The following LRP1B variants were observed in gnomAD, a reference collection of about 807,000 sequenced individuals.
The protein encoded by LRP1B is low-density lipoprotein receptor-related protein 1B.
Under a neutral mutation model 556.6 loss-of-function variants are expected in LRP1B, and 217 were observed. The ratio of observed to expected loss-of-function variants is 0.39; its 90% CI spans 0.35 to 0.44. LRP1B has a LOEUF of 0.44. LRP1B is among the 20% of genes least tolerant of loss of function. The probability of loss-of-function intolerance (pLI) is 1.00; values close to 1 mark genes in which losing one functional copy is unlikely to be tolerated. For missense variants in LRP1B, 5,053 were observed against 5,620.8 expected (o/e 0.90, Z 3.23); for synonymous variants, 2,047 against 1,865.8 (o/e 1.10, Z -2.50).
intron 84 of LRP1B, among the ~76,000 whole-genome samples, chr2:140,293,074 T>G (rs1349966007): frequency 6.6e-6 from 1 of 152,164 alleles, no homozygotes; most frequent in Non-Finnish European, 1.5e-5. Context: ...TAAGTCTAGT[T>G]CTAATTGAAA....
At chr2:140,912,250 A>G (rs560588255) in intron 21 of LRP1B, among the ~76,000 whole-genome samples, 1 of 151,818 alleles carries the variant, frequency 6.6e-6, no homozygotes, top group African/African-American at 2.4e-5. Context: ...CTCAGTAAAA[A>G]TACTTTAAAC....
intron 77 of LRP1B, 25 bp from the exon 78 acceptor site, chr2:140,335,863 C>A (rs756297687): frequency 2.0e-5 from 28 of 1,424,686 alleles, no homozygotes; most frequent in Non-Finnish European, 2.8e-5. Flanking sequence ...AACAACACAC[C>A]ACGGTATTTT....
intron 81 of LRP1B, 67 bp from the exon 82 acceptor site, chr2:140,322,155 T>C: frequency 1.4e-6 from 2 of 1,442,010 alleles, no homozygotes; most frequent in Non-Finnish European, 1.9e-6. Flanking sequence ...AAGCATAAAA[T>C]TAAATAAGGC....
At chr2:141,715,938 T>A (rs972248280) in intron 2 of LRP1B, among the ~76,000 whole-genome samples, 2 of 152,230 alleles carry the variant, frequency 1.3e-5, no homozygotes, top group African/African-American at 4.8e-5. Flanking sequence ...CAAGTTTACC[T>A]TTTTGTATGG....
At chr2:140,372,737 C>T (rs1023851726) in intron 69 of LRP1B, among the ~76,000 whole-genome samples, 3 of 152,026 alleles carry the variant, frequency 2.0e-5, no homozygotes, top group African/African-American at 7.2e-5. Context: ...GGAAACAGTT[C>T]CAAATGGTAT....
intron 20 of LRP1B, among the ~76,000 whole-genome samples, chr2:140,931,043 G>T (rs1695033422): frequency 6.6e-6 from 1 of 152,072 alleles, no homozygotes; most frequent in Non-Finnish European, 1.5e-5. Flanking sequence ...CTTATTAAAA[G>T]CCACCTCCCA....
At chr2:140,529,440 G>GA (rs1186750732) in intron 47 of LRP1B, among the ~76,000 whole-genome samples, 7 of 116,146 alleles carry the variant, frequency 6.0e-5, no homozygotes, top group African/African-American at 2.4e-4. Context: ...AAAGGGGGGG[G>GA]GGAAGCATTA....
At chr2:140,714,980 G>A (rs1687158905) in intron 37 of LRP1B, among the ~76,000 whole-genome samples, 1 of 152,084 alleles carries the variant, frequency 6.6e-6, no homozygotes, top group Non-Finnish European at 1.5e-5. Flanking sequence ...GCCAAATAAG[G>A]TCAAATAAAA....
Position 141,265,191 on chromosome 2 carries a change from C to G in LRP1B, c.344-10550G>C, listed in dbSNP as rs541184162. 6.2e-4 allele frequency among the ~76,000 whole-genome samples: 94 copies of G among 152,278 alleles called. 1 individual carries two copies. The highest frequency in any genetic ancestry group is 8.7e-4 in the Non-Finnish European group (59 of 68,018). On this transcript the variant is annotated intron_variant, in intron 3 of 90. Transcript: ENST00000389484. ...CTACCAATGGAGGGGTCCAAAGCAG[C>G]CTGAGCCAGCGTTAGAGATACCAGC...
intron 84 of LRP1B, among the ~76,000 whole-genome samples, chr2:140,285,026 GTATATA>G (rs368255793): frequency 1.4e-5 from 2 of 144,616 alleles, no homozygotes. Flanking sequence ...GTGTGTGTGT[GTATATA>G]TATATATATA....
At chr2:141,493,737 G>A (rs945576943) in intron 2 of LRP1B, among the ~76,000 whole-genome samples, 1 of 152,088 alleles carries the variant, frequency 6.6e-6, no homozygotes, top group Non-Finnish European at 1.5e-5. Context: ...AATCAGAAGT[G>A]TTTTCATATT....
chr2:141,503,704 C>T (rs1218892724), intron 2 of LRP1B, among the ~76,000 whole-genome samples: 2 of 152,058 alleles, frequency 1.3e-5, no homozygotes, highest in South Asian at 2.1e-4. Context: ...AATATGAATA[C>T]ATCTTTTAAT....
intron 82 of LRP1B, 87 bp downstream of exon 82, chr2:140,321,876 A>C: frequency 7.5e-7 from 1 of 1,324,572 alleles, no homozygotes; most frequent in South Asian, 1.3e-5. Flanking sequence ...CTGATGATGG[A>C]ACAGATAATT....
chr2:140,807,244 A>G (rs531989395), intron 32 of LRP1B, among the ~76,000 whole-genome samples: 37 of 152,324 alleles, frequency 2.4e-4, no homozygotes, highest in African/African-American at 7.2e-4. Context: ...AGCTGACTGT[A>G]TACTATTTTA....
At chr2:141,196,952 G>A (rs1013787261) in intron 6 of LRP1B, among the ~76,000 whole-genome samples, 2 of 152,130 alleles carry the variant, frequency 1.3e-5, no homozygotes, top group Non-Finnish European at 2.9e-5. Flanking sequence ...CTGTTCTTGT[G>A]GTAGAGAATA....
chr2:140,993,130 G>A (rs906250740), intron 16 of LRP1B, among the ~76,000 whole-genome samples: 2 of 151,728 alleles, frequency 1.3e-5, no homozygotes, highest in Non-Finnish European at 2.9e-5. Flanking sequence ...TTAAAAAAGG[G>A]AAATGAAGGA....
intron 2 of LRP1B, among the ~76,000 whole-genome samples, chr2:141,605,054 G>T (rs868802397): frequency 2.0e-5 from 3 of 151,910 alleles, no homozygotes; most frequent in Admixed American, 6.6e-5. Context: ...GGGTGGGAAC[G>T]TTGCCAGCCA....
chr2:140,657,633 A>G (rs1684936845), intron 41 of LRP1B, among the ~76,000 whole-genome samples: 1 of 145,688 alleles, frequency 6.9e-6, no homozygotes. Context: ...ATACATACAT[A>G]TATATACATA....
chr2:141,716,788 T>C (rs897620896), intron 2 of LRP1B, among the ~76,000 whole-genome samples: 15 of 152,216 alleles, frequency 9.9e-5, no homozygotes, highest in Non-Finnish European at 1.9e-4. Flanking sequence ...CTAATATGTC[T>C]AGCTCTGCAA....
Sources: gnomAD v4.1 joint callset for allele counts (sites outside exome capture counted in the v4.1 genomes callset) on GRCh38, gnomAD v4.1.1 for gene constraint, MANE v1.5 for transcripts, NCBI Gene and HGNC (gene_info 2026-07-23, HGNC 2026-07-21) for gene names.